Variants in RYR3 observed in about 807,000 individuals in gnomAD.
The protein encoded by RYR3 is ryanodine receptor 3, also known as brain ryanodine receptor-calcium release channel.
Under a neutral mutation model 584.3 loss-of-function variants are expected in RYR3, and 207 were observed. The ratio of observed to expected loss-of-function variants is 0.35; its 90% CI spans 0.32 to 0.40. The LOEUF (loss-of-function observed/expected upper bound fraction) is 0.40. Ranked by LOEUF, RYR3 falls within the 10% of genes least tolerant of loss-of-function variation. RYR3 has a pLI of 1.00. For missense variants in RYR3, 5,616 were observed against 6,089.2 expected (o/e 0.92, Z 2.59); for synonymous variants, 2,416 against 2,248.5 (o/e 1.07, Z -2.11).
intron 89 of RYR3, chr15:33,840,432 C>T (rs904575902): frequency 4.8e-6 from 1 of 208,528 alleles, no homozygotes; most frequent in Non-Finnish European, 9.5e-6. Context: ...GGGATACTGG[C>T]AAGAGGATTA....
chr15:33,519,630 T>A (rs1290033602), intron 3 of RYR3, among the ~76,000 whole-genome samples: 1 of 152,034 alleles, frequency 6.6e-6, no homozygotes, highest in Non-Finnish European at 1.5e-5. Flanking sequence ...ATGTTGTTTT[T>A]TTTTTTTCTT....
intron 1 of RYR3, among the ~76,000 whole-genome samples, chr15:33,399,671 T>C (rs575498154): frequency 6.6e-6 from 1 of 152,074 alleles, no homozygotes; most frequent in Non-Finnish European, 1.5e-5. Flanking sequence ...ATTGCTGAAA[T>C]TGTTCATGGG....
At chr15:33,855,264 C>G (rs902725866) in intron 98 of RYR3, among the ~76,000 whole-genome samples, 1 of 151,848 alleles carries the variant, frequency 6.6e-6, no homozygotes. Flanking sequence ...GCGGTGGGAT[C>G]TTGGCTCACT....
chr15:33,546,892 G>A (rs148637253), intron 8 of RYR3, among the ~76,000 whole-genome samples: 2 of 152,236 alleles, frequency 1.3e-5, no homozygotes, highest in East Asian at 1.9e-4. Context: ...TCTTGGGTTT[G>A]ACCACTTCAA....
At position 33,646,419 on chromosome 15, in the gene RYR3, A is replaced by G. The variant is rs1265053025; in HGVS notation, c.3834A>G (p.Thr1278=). Residue 1278 remains threonine (T), a synonymous_variant, in exon 29 of 104, where the codon ACA becomes ACG. Coordinates refer to ENST00000634891, the MANE Select transcript of RYR3 (RefSeq NM_001036.6). ...AGGTGACGCATAAGACATTTGGCAC[A>G]CAGAATAGCAATGCCGACATGATCT... is the stretch of plus-strand genomic sequence containing the variant. ...CLKVTHKTFG[T]QNSNADMIYC... is the part of the protein sequence containing the mutation. 4 of 1,613,784 alleles carry G rather than the reference A, an allele frequency of 2.5e-6. No homozygotes were observed. The highest frequency in any genetic ancestry group is 2.2e-5 in the East Asian group (1 of 44,892).
intron 53 of RYR3, among the ~76,000 whole-genome samples, chr15:33,746,520 CG>C (rs1321754191): frequency 6.6e-6 from 1 of 152,008 alleles, no homozygotes. Flanking sequence ...CAGACAAGGC[CG>C]GGTGTGGTGG....
rs747191814 is a variant in RYR3 at position 33,731,496 on chromosome 15, C to G, written c.7226C>G (p.Ala2409Gly). Residue 2409 changes from alanine to glycine, a missense_variant, in exon 48 of 104, where the codon GCT becomes GGT. By Grantham distance (60) the Ala-to-Gly change is moderately conservative (BLOSUM62 0). Coordinates refer to ENST00000634891, the MANE Select transcript of RYR3 (RefSeq NM_001036.6). ...LDTVSLSTTE[A>G]ALALNRYICS... ...TAGGTTTCCCTAAGCACCACAGAGGCTGCGCTTGCACTAAATAGGTATATA... is the reference window on the plus strand; with the variant it reads ...TAGGTTTCCCTAAGCACCACAGAGGGTGCGCTTGCACTAAATAGGTATATA... 3.7e-6 allele frequency: 6 copies of G among 1,612,506 alleles called. No homozygotes were observed. In the African/African-American group the frequency reaches 8.0e-5, roughly 22 times the overall value.
chr15:33,719,192 A>G (rs1413843938), intron 43 of RYR3, among the ~76,000 whole-genome samples: 2 of 152,206 alleles, frequency 1.3e-5, no homozygotes, highest in Non-Finnish European at 2.9e-5. Flanking sequence ...CATTCTCCAC[A>G]GATGTCCACA....
chr15:33,592,026 T>G (rs2059154839), intron 16 of RYR3, among the ~76,000 whole-genome samples: 1 of 152,088 alleles, frequency 6.6e-6, no homozygotes, highest in African/African-American at 2.4e-5. Context: ...GTAATAGAGA[T>G]AAAAAGCAAA....
chr15:33,795,761 C>G (rs967374335), intron 67 of RYR3, among the ~76,000 whole-genome samples: 1 of 152,104 alleles, frequency 6.6e-6, no homozygotes, highest in East Asian at 1.9e-4. Context: ...GAACTCGTGA[C>G]CTCAGGTGAT....
intron 15 of RYR3, 78 bp from the exon 16 acceptor site, chr15:33,585,920 C>A: frequency 1.2e-6 from 1 of 806,908 alleles, no homozygotes; most frequent in South Asian, 1.4e-5. Flanking sequence ...AAGGACTGTT[C>A]ATACTCAGGT....
intron 57 of RYR3, among the ~76,000 whole-genome samples, chr15:33,752,321 A>C (rs1253874556): frequency 1.3e-5 from 2 of 152,216 alleles, no homozygotes; most frequent in Non-Finnish European, 1.5e-5. Flanking sequence ...GACTTTGGGC[A>C]GTATGGCCAT....
chr15:33,843,626 C>CA, intron 92 of RYR3, 52 bp downstream of exon 92: 1 of 1,123,100 alleles, frequency 8.9e-7, no homozygotes, highest in Non-Finnish European at 1.3e-6. Context: ...ACTAAGTATG[C>CA]TATGTGTAGA....
At position 33,722,590 on chromosome 15, in the gene RYR3, G is replaced by A. The variant is rs187796619; in HGVS notation, c.6620-125G>A. Reference sequence around the variant, plus strand: ...TCCACTCCCACTGCCCACTTGACTGGCCTAAACCAAAAACAGAGTAGGTGA... The same window carrying A: ...TCCACTCCCACTGCCCACTTGACTGACCTAAACCAAAAACAGAGTAGGTGA... On this transcript the variant is annotated intron_variant, in intron 43 of 103. Transcript: ENST00000634891. 852 of 911,528 alleles carry A rather than the reference G, an allele frequency of 9.3e-4. 8 individuals are homozygous for A. The highest frequency in any genetic ancestry group is 4.2e-3 in the African/African-American group (251 of 59,940). 56.5% of individuals were successfully genotyped at this position (911,528 alleles called of 1,614,324 possible). A position where few individuals can be genotyped will look rare whatever the true frequency, so the allele number is the denominator to read the frequency against.
At chr15:33,548,255 A>G (rs1410210393) in intron 9 of RYR3, 51 bp downstream of exon 9, 2 of 1,138,568 alleles carry the variant, frequency 1.8e-6, no homozygotes, top group East Asian at 4.9e-5. Flanking sequence ...CTTTTTCAGT[A>G]CAGGCCGTTC....
intron 1 of RYR3, among the ~76,000 whole-genome samples, chr15:33,361,923 G>A (rs1169289106): frequency 6.6e-6 from 1 of 152,192 alleles, no homozygotes; most frequent in East Asian, 1.9e-4. Context: ...AGGAGAAAGA[G>A]TGATCCAAGC....
At position 33,838,926 on chromosome 15, in the gene RYR3, G is replaced by A. The variant is rs777436508; in HGVS notation, c.12946G>A (p.Glu4316Lys). 2.5e-6 allele frequency: 4 copies of A among 1,613,606 alleles called. No homozygotes were observed. The East Asian group carries it at 8.9e-5, about 36-fold the overall frequency. ...TGGCAAGGATGAACCCCCTACATTAGAGAGTACTGTACAGAAGAAGAGGAA... is the reference window on the plus strand; with the variant it reads ...TGGCAAGGATGAACCCCCTACATTAAAGAGTACTGTACAGAAGAAGAGGAA... Reference protein sequence around the residue: ...IIGKDEPPTLESTVQKKRKAQ... With the variant: ...IIGKDEPPTLKSTVQKKRKAQ... Residue 4316 changes from glutamate to lysine, a missense_variant, in exon 89 of 104, where the codon GAG becomes AAG. Glu to Lys is a moderately conservative substitution (Grantham distance 56, BLOSUM62 1). This residue lies in a region of RYR3 where 918 missense variants were observed against 887.4 expected (regional missense o/e 1.03). Transcript: ENST00000634891.
At chr15:33,506,327 A>G (rs77564997) in intron 3 of RYR3, among the ~76,000 whole-genome samples, 60 of 152,348 alleles carry the variant, frequency 3.9e-4, no homozygotes, top group Non-Finnish European at 7.2e-4. Context: ...TACAACATGT[A>G]GAAACCAATA....
chr15:33,817,094 C>A (rs988677949), intron 75 of RYR3, 136 bp downstream of exon 75: 3 of 559,794 alleles, frequency 5.4e-6, no homozygotes, highest in Non-Finnish European at 9.7e-6. Flanking sequence ...TGTGTAAGTG[C>A]TCAGGGGAGG....
Sources: gnomAD v4.1 joint callset for allele counts (sites outside exome capture counted in the v4.1 genomes callset) on GRCh38, gnomAD v4.1.1 for gene constraint, gnomAD v4.1.1 regional missense constraint, MANE v1.5 for transcripts, NCBI Gene and HGNC (gene_info 2026-07-23, HGNC 2026-07-21) for gene names.